PCDHGA3: variants seen among roughly 807,000 people sequenced by gnomAD.
The protein encoded by PCDHGA3 is protocadherin gamma-A3.
In PCDHGA3, 40 loss-of-function variants were observed where a neutral mutation model predicts 58.5. That is an observed-to-expected ratio of 0.68 (90% CI 0.53 to 0.89). PCDHGA3 has a LOEUF of 0.89. Among genes scored for constraint, PCDHGA3 ranks in the 40% least tolerant of loss-of-function variants. The pLI is 0.00. For missense variants in PCDHGA3, 1,223 were observed against 1,195.9 expected, an observed-to-expected ratio of 1.02 and a Z score of -0.33; for synonymous variants, 530 against 525.7, an observed-to-expected ratio of 1.01 and a Z score of -0.11.
intron 1 of PCDHGA3, chr5:141,404,337 C>T (rs766940096): frequency 5.0e-6 from 8 of 1,613,902 alleles, no homozygotes; most frequent in Admixed American, 1.7e-5. Flanking sequence ...GTCTACCTCC[C>T]GGAAAACAAC....
chr5:141,357,535 C>T, intron 1 of PCDHGA3: 6 of 1,614,210 alleles, frequency 3.7e-6, no homozygotes, highest in Non-Finnish European at 5.1e-6. Context: ...TGCAGACACG[C>T]TCATCAGCCG....
chr5:141,391,523 A>T (rs2092383458), intron 1 of PCDHGA3: 1 of 152,140 alleles, frequency 6.6e-6, no homozygotes, highest in Non-Finnish European at 1.5e-5. Context: ...CACTAATTTA[A>T]CTGGTATGGT....
At chr5:141,419,939 G>T in intron 1 of PCDHGA3, 1 of 1,614,054 alleles carries the variant, frequency 6.2e-7, no homozygotes. Flanking sequence ...TTACCTGGTG[G>T]TGGCCTTGGC....
chr5:141,501,381 T>A (rs1261533671), intron 2 of PCDHGA3, among the ~76,000 whole-genome samples: 4 of 151,750 alleles, frequency 2.6e-5, no homozygotes, highest in African/African-American at 9.7e-5. Flanking sequence ...TCTTAAATCC[T>A]AGGTCCTGTC....
chr5:141,344,864 G>A lies in PCDHGA3; in HGVS notation c.831G>A (p.Val277=). The change falls in exon 1 of 4, where the codon GTG becomes GTA. Residue 277 remains valine (V), a synonymous_variant. Coordinates refer to ENST00000253812, the MANE Select transcript of PCDHGA3 (RefSeq NM_018916.4). ...TDPDEGFNAQ[V]SYILDKMPGK... is the part of the protein sequence containing the mutation. ...CTGACGAGGGATTCAATGCTCAAGTGTCTTATATTCTAGATAAAATGCCTG... is the reference window on the plus strand; with the variant it reads ...CTGACGAGGGATTCAATGCTCAAGTATCTTATATTCTAGATAAAATGCCTG... 1 of 1,613,902 alleles carries A rather than the reference G, an allele frequency of 6.2e-7. No homozygotes were observed.
chr5:141,354,914 A>G (rs1260517070), intron 1 of PCDHGA3: 3 of 410,088 alleles, frequency 7.3e-6, no homozygotes, highest in African/African-American at 2.0e-5. Context: ...AGAAAAGTGT[A>G]TAAAAAATAA....
chr5:141,364,897 A>G (rs780576369), intron 1 of PCDHGA3: 1 of 1,613,970 alleles, frequency 6.2e-7, no homozygotes, highest in Non-Finnish European at 8.5e-7. Context: ...CTGATGGACA[A>G]AAGTATCCGG....
rs1386912520 is a variant in PCDHGA3 at position 141,505,425 on chromosome 5, C to T, written c.2516C>T (p.Pro839Leu). 1.2e-6 allele frequency: 2 copies of T among 1,614,060 alleles called. No individual in the cohort carries two copies. The highest frequency in any genetic ancestry group is 1.7e-6 in the Non-Finnish European group (2 of 1,180,022). The change falls in exon 3 of 4, where the codon CCC becomes CTC. Residue 839 changes from proline to leucine, a missense_variant. Physicochemically the swap from Pro to Leu is moderately conservative, Grantham distance 98 (BLOSUM62 -3). Around this residue, in one of 3 missense-constraint regions of PCDHGA3, gnomAD observed 325 missense variants for 327.5 expected, o/e 0.99. Transcript: ENST00000253812. ...AATGGCGATGACACCGGCACCTGGC[C>T]CAACAACCAGTTTGACACAGAGATG... ...SQNGDDTGTW[P>L]NNQFDTEMLQ... is the part of the protein sequence containing the mutation.
chr5:141,431,127 T>C lies in PCDHGA3; in HGVS notation c.2425-63680T>C, dbSNP rs1455709617. ...AAAATATATGGAGTAGAAGTAGAAG[T>C]AAGGGACATTAACGACAATGCGCCT... On this transcript the variant is annotated intron_variant, in intron 1 of 3. Transcript: ENST00000253812. This position sits in a 1 kb window ranked among gnomAD's most constrained non-coding sequence, Gnocchi z 4.8. 1 of 1,614,176 alleles carries C rather than the reference T, an allele frequency of 6.2e-7. No individual in the cohort carries two copies. Among genetic ancestry groups the C allele is most frequent in the East Asian group, 2.2e-5 (1 of 44,878 alleles).
intron 1 of PCDHGA3, chr5:141,360,206 T>G: frequency 6.2e-7 from 1 of 1,613,114 alleles, no homozygotes; most frequent in Admixed American, 1.7e-5. Context: ...CTGTTGTCTT[T>G]GTTCCCCGGG....
rs558074504 is a variant in PCDHGA3 at position 141,489,065 on chromosome 5, C to A, written c.2425-5742C>A. ...CCACTCAAATTCAGCTCCCCTCCCCCCTGCCCACCCCCGCCACTCGGTGAC... is the reference window on the plus strand; with the variant it reads ...CCACTCAAATTCAGCTCCCCTCCCCACTGCCCACCCCCGCCACTCGGTGAC... On this transcript the variant is annotated intron_variant, in intron 1 of 3. Transcript: ENST00000253812. The surrounding 1 kb of genome is among the most constrained non-coding windows in gnomAD (Gnocchi z 4.5). 1,377 of 389,040 alleles carry A rather than the reference C, an allele frequency of 3.5e-3. 31 individuals carry two copies. Among genetic ancestry groups the A allele is most frequent in the Admixed American group, 9.8e-3 (226 of 22,946 alleles). 24.1% of individuals were successfully genotyped at this position (389,040 alleles called of 1,614,324 possible).
intron 1 of PCDHGA3, chr5:141,390,879 T>C (rs965843602): frequency 1.3e-5 from 2 of 153,458 alleles, no homozygotes; most frequent in African/African-American, 4.8e-5. Flanking sequence ...TGTGTGTGTG[T>C]GTGTGTGTGA....
intron 1 of PCDHGA3, chr5:141,403,099 C>T (rs762392585): frequency 2.5e-6 from 4 of 1,613,938 alleles, no homozygotes; most frequent in Non-Finnish European, 2.5e-6. Flanking sequence ...GCAACATCTC[C>T]AAGGACCTGG....
intron 1 of PCDHGA3, chr5:141,415,520 C>T: frequency 6.2e-7 from 1 of 1,614,190 alleles, no homozygotes; most frequent in Non-Finnish European, 8.5e-7. Flanking sequence ...TATGCGGACA[C>T]GCTCATCAGC....
At chr5:141,409,522 G>C in intron 1 of PCDHGA3, 4 of 1,613,992 alleles carry the variant, frequency 2.5e-6, no homozygotes, top group Non-Finnish European at 3.4e-6. Context: ...GCATCACCTT[G>C]TATGTCGCTG....
intron 1 of PCDHGA3, among the ~76,000 whole-genome samples, chr5:141,369,797 C>G (rs1238211646): frequency 6.6e-6 from 1 of 152,214 alleles, no homozygotes; most frequent in East Asian, 1.9e-4. Context: ...ACTACGTCTT[C>G]TGCCATCACC....
chr5:141,502,784 G>C (rs185608958), intron 2 of PCDHGA3, among the ~76,000 whole-genome samples: 1 of 151,804 alleles, frequency 6.6e-6, no homozygotes, highest in Non-Finnish European at 1.5e-5. Flanking sequence ...AAATTACCTG[G>C]ATGATTTCTT....
At chr5:141,484,626 C>T (rs1306600907) in intron 1 of PCDHGA3, among the ~76,000 whole-genome samples, 1 of 151,972 alleles carries the variant, frequency 6.6e-6, no homozygotes, top group African/African-American at 2.4e-5. Context: ...CTGGCTTGAA[C>T]AAAGTGACCA....
intron 1 of PCDHGA3, among the ~76,000 whole-genome samples, chr5:141,459,690 C>A (rs1338211972): frequency 6.6e-6 from 1 of 152,174 alleles, no homozygotes; most frequent in African/African-American, 2.4e-5. Context: ...ATAAAGCGTT[C>A]CGCTTGCTAC....
Sources: gnomAD v4.1 joint callset for allele counts (sites outside exome capture counted in the v4.1 genomes callset) on GRCh38, gnomAD v4.1.1 for gene constraint, gnomAD v4.1.1 regional missense constraint, Gnocchi (gnomAD v3.1) non-coding constraint, MANE v1.5 for transcripts, NCBI Gene and HGNC (gene_info 2026-07-23, HGNC 2026-07-21) for gene names.